Variants in PTPN12 observed in about 807,000 individuals in gnomAD.
PTPN12 encodes tyrosine-protein phosphatase non-receptor type 12.
Under a neutral mutation model 97.6 loss-of-function variants are expected in PTPN12, and 29 were observed. That is an observed-to-expected ratio of 0.30 (90% CI 0.22 to 0.41). The LOEUF is 0.41. Among genes scored for constraint, PTPN12 ranks in the 10% least tolerant of loss-of-function variants. PTPN12 has a pLI of 1.00. For synonymous variants in PTPN12, 327 were observed against 300.4 expected, an observed-to-expected ratio of 1.09 and a Z score of -0.91; for missense variants, 819 against 926.0, an observed-to-expected ratio of 0.88 and a Z score of 1.50.
rs535168210 is a variant in PTPN12, at chr7:77,570,828, A to G, written c.100-250A>G. On this transcript the variant is annotated intron_variant, in intron 1 of 17. Transcript: ENST00000248594. Reference sequence around the variant, plus strand: ...AATATTCTGACTCAGCTTATTAATGATATCTTTAAATTATATTACTTTTAT... The same window carrying G: ...AATATTCTGACTCAGCTTATTAATGGTATCTTTAAATTATATTACTTTTAT... Among the ~76,000 whole-genome samples, 8 of 152,356 alleles carry G rather than the reference A, an allele frequency of 5.3e-5. No homozygotes were observed. The East Asian group carries it at 1.3e-3, about 26-fold the overall frequency.
At chr7:77,576,762 G>C (rs1787356633) in intron 2 of PTPN12, among the ~76,000 whole-genome samples, 1 of 152,196 alleles carries the variant, frequency 6.6e-6, no homozygotes, top group Admixed American at 6.5e-5. Flanking sequence ...GCTACTTCTA[G>C]TTCCCGGCGC....
chr7:77,539,329 CTT>C (rs1292129677), intron 1 of PTPN12, among the ~76,000 whole-genome samples: 3 of 152,202 alleles, frequency 2.0e-5, no homozygotes, highest in Non-Finnish European at 4.4e-5. Context: ...AATAATCTAA[CTT>C]ATTCCTTATT....
chr7:77,546,718 A>G (rs1234915779), intron 1 of PTPN12, among the ~76,000 whole-genome samples: 1 of 152,222 alleles, frequency 6.6e-6, no homozygotes, highest in Non-Finnish European at 1.5e-5. Flanking sequence ...TATAAAGGAA[A>G]GAGGTTTAAT....
chr7:77,583,221 CTG>C (rs1467095840), intron 3 of PTPN12, among the ~76,000 whole-genome samples: 1 of 152,160 alleles, frequency 6.6e-6, no homozygotes, highest in Non-Finnish European at 1.5e-5. Context: ...AGAGCATGCT[CTG>C]TATTTCTGCC....
At chr7:77,576,959 G>T (rs547216565) in intron 2 of PTPN12, among the ~76,000 whole-genome samples, 1 of 152,176 alleles carries the variant, frequency 6.6e-6, no homozygotes, top group African/African-American at 2.4e-5. Flanking sequence ...ATCCTGGAAG[G>T]CCTGGCTGAC....
At chr7:77,590,102 T>C (rs759039669) in intron 5 of PTPN12, among the ~76,000 whole-genome samples, 1 of 152,198 alleles carries the variant, frequency 6.6e-6, no homozygotes, top group Non-Finnish European at 1.5e-5. Flanking sequence ...ATTTTGACCA[T>C]GGTGCAGTAC....
At chr7:77,588,319 A>G (rs939581058) in intron 5 of PTPN12, among the ~76,000 whole-genome samples, 1 of 152,156 alleles carries the variant, frequency 6.6e-6, no homozygotes, top group Non-Finnish European at 1.5e-5. Context: ...TAATTTCAAT[A>G]TTGTGTCTCA....
intron 1 of PTPN12, among the ~76,000 whole-genome samples, chr7:77,541,447 G>A (rs1584081458): frequency 6.6e-6 from 1 of 152,074 alleles, no homozygotes; most frequent in East Asian, 1.9e-4. Flanking sequence ...GAGTATTTAG[G>A]TCATTCTACT....
intron 6 of PTPN12, among the ~76,000 whole-genome samples, chr7:77,597,378 C>T (rs1211309722): frequency 1.3e-5 from 2 of 152,204 alleles, no homozygotes; most frequent in Non-Finnish European, 2.9e-5. Flanking sequence ...CTGCCTCAGC[C>T]TCCTGAAGTG....
intron 15 of PTPN12, chr7:77,636,659 A>G (rs1407455634): frequency 5.6e-6 from 1 of 178,034 alleles, no homozygotes; most frequent in Non-Finnish European, 1.2e-5. Flanking sequence ...CCATACTTTA[A>G]TATCTCTGAA....
intron 9 of PTPN12, among the ~76,000 whole-genome samples, chr7:77,608,073 C>T (rs7776973): frequency 0.49 from 74,762 of 151,966 alleles, 19,479 homozygotes; most frequent in African/African-American, 0.67. Context: ...TTTATGTTTA[C>T]TCTAGGTATA....
intron 8 of PTPN12, among the ~76,000 whole-genome samples, chr7:77,606,295 C>T (rs1229090066): frequency 4.6e-5 from 7 of 151,872 alleles, no homozygotes; most frequent in East Asian, 3.9e-4. Flanking sequence ...CTCTGTAAGA[C>T]GTTGTTAGCT....
intron 1 of PTPN12, among the ~76,000 whole-genome samples, chr7:77,544,818 C>T (rs1807138759): frequency 6.6e-6 from 1 of 152,204 alleles, no homozygotes; most frequent in Admixed American, 6.5e-5. Flanking sequence ...ATTGCATGTG[C>T]AGACATTGTA....
intron 8 of PTPN12, chr7:77,604,957 C>T: frequency 5.7e-6 from 2 of 350,324 alleles, no homozygotes; most frequent in South Asian, 2.3e-5. Flanking sequence ...TACATGTACT[C>T]AGATCTGTTC....
At chr7:77,610,676 G>C in intron 9 of PTPN12, 89 bp from the exon 10 acceptor site, 2 of 1,295,792 alleles carry the variant, frequency 1.5e-6, no homozygotes, top group Non-Finnish European at 2.2e-6. Flanking sequence ...AAACCAGCAG[G>C]TATTTAAGTT....
At chr7:77,628,871 A>G (rs1789296243) in intron 13 of PTPN12, among the ~76,000 whole-genome samples, 2 of 151,804 alleles carry the variant, frequency 1.3e-5, no homozygotes, top group Admixed American at 1.3e-4. Flanking sequence ...GACCCATTAT[A>G]TACCACCCAT....
chr7:77,619,108 G>A (rs1788848911), intron 12 of PTPN12, among the ~76,000 whole-genome samples: 1 of 152,136 alleles, frequency 6.6e-6, no homozygotes, highest in African/African-American at 2.4e-5. Flanking sequence ...GAAGAAGATA[G>A]TTTCAACTCC....
intron 1 of PTPN12, among the ~76,000 whole-genome samples, chr7:77,564,705 T>C (rs1456633946): frequency 1.3e-5 from 2 of 150,658 alleles, no homozygotes; most frequent in African/African-American, 4.9e-5. Flanking sequence ...TTGTGCCTTA[T>C]GAAACTCATA....
At chr7:77,636,285 A>C (rs1367047441) in intron 15 of PTPN12, among the ~76,000 whole-genome samples, 3 of 151,882 alleles carry the variant, frequency 2.0e-5, no homozygotes, top group Admixed American at 6.6e-5. Flanking sequence ...ATGTTTTGGC[A>C]ATTAAATATT....
Sources: gnomAD v4.1 joint callset for allele counts (sites outside exome capture counted in the v4.1 genomes callset) on GRCh38, gnomAD v4.1.1 for gene constraint, MANE v1.5 for transcripts, NCBI Gene and HGNC (gene_info 2026-07-23, HGNC 2026-07-21) for gene names.